SFXN5: variants seen among roughly 807,000 people sequenced by gnomAD.
The protein encoded by SFXN5 is sideroflexin 5, also known as sideroflexin-5.
A neutral mutation model predicts 50.2 loss-of-function variants in SFXN5; 43 were observed. That is an observed-to-expected ratio of 0.86 (90% CI 0.67 to 1.11). The LOEUF (loss-of-function observed/expected upper bound fraction) is 1.11. SFXN5 is among the 50% of genes least tolerant of loss of function. The pLI, the probability that SFXN5 is intolerant of heterozygous loss-of-function variation, is 0.00. For synonymous variants in SFXN5, 203 were observed against 185.8 expected, an observed-to-expected ratio of 1.09 and a Z score of -0.75; for missense variants, 463 against 454.1, an observed-to-expected ratio of 1.02 and a Z score of -0.18.
At chr2:72,968,340 G>T in intron 12 of SFXN5, 108 bp downstream of exon 12, 1 of 942,454 alleles carries the variant, frequency 1.1e-6, no homozygotes, top group Non-Finnish European at 1.6e-6. Context: ...CACAAACTGG[G>T]GTGGGCTTCC....
At chr2:73,071,416 G>A (rs1683603303) in intron 1 of SFXN5, 188 bp downstream of exon 1, 1 of 586,570 alleles carries the variant, frequency 1.7e-6, no homozygotes, top group Non-Finnish European at 3.0e-6. Context: ...AGCCAAGATG[G>A]GAGTCCGCGC....
chr2:73,007,685 C>T (rs1674889926), intron 6 of SFXN5, among the ~76,000 whole-genome samples: 1 of 152,170 alleles, frequency 6.6e-6, no homozygotes. Flanking sequence ...TCATCCCCTT[C>T]CGCCACACTG....
At chr2:73,015,388 T>C (rs1232886605) in intron 6 of SFXN5, among the ~76,000 whole-genome samples, 2 of 152,196 alleles carry the variant, frequency 1.3e-5, no homozygotes, top group African/African-American at 2.4e-5. Context: ...TCATAAGTGA[T>C]ATTGGCTTAT....
At chr2:73,012,676 AC>A (rs1483809735) in intron 6 of SFXN5, among the ~76,000 whole-genome samples, 1 of 150,160 alleles carries the variant, frequency 6.7e-6, no homozygotes, top group East Asian at 1.9e-4. Flanking sequence ...ACACACACAC[AC>A]ACACACACAC....
At chr2:72,968,662 T>A in intron 11 of SFXN5, 129 bp from the exon 12 acceptor site, 2 of 695,260 alleles carry the variant, frequency 2.9e-6, no homozygotes, top group Non-Finnish European at 4.5e-6. Flanking sequence ...ATGGGATTGC[T>A]CAGGAAGCTG....
chr2:73,024,513 G>C (rs532094758), intron 3 of SFXN5, among the ~76,000 whole-genome samples: 1 of 152,202 alleles, frequency 6.6e-6, no homozygotes, highest in African/African-American at 2.4e-5. Context: ...AATTAGCAGG[G>C]CGTGGTGGAA....
rs559962667 is a variant in SFXN5, at chr2:72,948,526, G to A, written c.946-3427C>T. Among the ~76,000 whole-genome samples, 10 of 152,292 alleles carry A rather than the reference G, an allele frequency of 6.6e-5. 1 individual carries two copies. The South Asian group carries it at 8.3e-4, about 13-fold the overall frequency. On this transcript the variant is annotated intron_variant, in intron 13 of 13. Transcript: ENST00000272433. The stretch of plus-strand genomic sequence containing the variant: ...GCCATTATTAGCAACTTCCCATGCC[G>A]GCTTTCACTGAAGCACTGAGGCCCA...
intron 3 of SFXN5, among the ~76,000 whole-genome samples, chr2:73,028,924 G>A (rs557248975): frequency 1.2e-4 from 19 of 152,326 alleles, no homozygotes; most frequent in Admixed American, 2.6e-4. Context: ...GTGTGGCCCC[G>A]GGGAAATCAC....
chr2:73,019,409 C>T (rs1237259947), intron 6 of SFXN5: 1 of 149,404 alleles, frequency 6.7e-6, no homozygotes, highest in African/African-American at 2.5e-5. Flanking sequence ...ACTGGATATG[C>T]TTGCTTTTCT....
intron 11 of SFXN5, among the ~76,000 whole-genome samples, chr2:72,969,196 G>A (rs1292139637): frequency 6.6e-6 from 1 of 152,166 alleles, no homozygotes; most frequent in African/African-American, 2.4e-5. Context: ...CCCCAGGAAG[G>A]GGCAGTGCTC....
At chr2:72,976,296 T>TAA (rs200993462) in intron 10 of SFXN5, among the ~76,000 whole-genome samples, 7 of 145,674 alleles carry the variant, frequency 4.8e-5, no homozygotes, top group Non-Finnish European at 7.6e-5. Context: ...ACCCAAAAAG[T>TAA]AAAAAAAAAA....
At chr2:73,048,894 A>G (rs1574231513) in intron 2 of SFXN5, among the ~76,000 whole-genome samples, 1 of 152,232 alleles carries the variant, frequency 6.6e-6, no homozygotes, top group African/African-American at 2.4e-5. Flanking sequence ...TGTAATTGCT[A>G]AGTAATCTGC....
intron 9 of SFXN5, among the ~76,000 whole-genome samples, chr2:72,990,165 G>A (rs1023475895): frequency 3.3e-5 from 5 of 152,272 alleles, no homozygotes; most frequent in Admixed American, 6.5e-5. Flanking sequence ...GCAGCATTCC[G>A]TGGAGCCAGA....
chr2:72,987,495 C>T (rs1031227695), intron 10 of SFXN5, among the ~76,000 whole-genome samples: 1 of 151,886 alleles, frequency 6.6e-6, no homozygotes, highest in African/African-American at 2.4e-5. Flanking sequence ...TGGTGGCTCA[C>T]GTCTGTAATC....
At chr2:72,994,763 C>G (rs150297189) in intron 9 of SFXN5, 4 of 152,652 alleles carry the variant, frequency 2.6e-5, no homozygotes, top group Non-Finnish European at 5.9e-5. Flanking sequence ...CAGGCATGGC[C>G]TCCTTCCACC....
chr2:73,071,658 AGCGGCACTAG>A lies in SFXN5; in HGVS notation c.38_47del (p.Ala13ValfsTer105). 6.2e-7 allele frequency: 1 copy of A among 1,613,196 alleles called. No individual in the cohort carries two copies. The highest frequency in any genetic ancestry group is 8.5e-7 in the Non-Finnish European group (1 of 1,179,832). On this transcript the variant is annotated frameshift_variant, in exon 1 of 14. Transcript: ENST00000272433. LOFTEE classifies it high-confidence loss of function. ...AAGGAGGTGCATCGCTCGAGGCGCT[AGCGGCACTAG>A]CCGCCGCCGCCGATGCTGTAGTCGC...
intron 9 of SFXN5, 155 bp downstream of exon 9, chr2:72,998,794 C>T (rs1574073648): frequency 4.1e-6 from 3 of 732,194 alleles, no homozygotes; most frequent in Non-Finnish European, 2.3e-6. Flanking sequence ...AGCCTCTTCT[C>T]GGCTTGGAAA....
intron 1 of SFXN5, among the ~76,000 whole-genome samples, chr2:73,061,306 T>TGAAAAAAAAAAAAAAAAAAAAAAA (rs1559221004): frequency 8.5e-6 from 1 of 118,144 alleles, no homozygotes. Flanking sequence ...AGACTCTGTC[T>TGAAAAAAAAAAAAAAAAAAAAAAA]CAAAAAAAAA....
Position 72,944,910 on chromosome 2 carries a change from C to A in SFXN5, c.*112G>T. 1.1e-6 allele frequency: 1 copy of A among 947,366 alleles called. No individual in the cohort carries two copies. The highest frequency in any genetic ancestry group is 1.6e-6 in the Non-Finnish European group (1 of 617,488). 58.7% of individuals were successfully genotyped at this position (947,366 alleles called of 1,614,324 possible). A position where few individuals can be genotyped will look rare whatever the true frequency, so the allele number is the denominator to read the frequency against. ...AGGTTGAGCACTCTCCCAGGGGGCC[C>A]AGGACTGCTGGGGTTGGCGTGCTGC... is the stretch of plus-strand genomic sequence containing the variant. On this transcript the variant is annotated 3_prime_UTR_variant, in exon 14 of 14. Transcript: ENST00000272433.
Sources: allele counts gnomAD v4.1 joint callset (sites outside exome capture counted in the v4.1 genomes callset), GRCh38; gene constraint gnomAD v4.1.1; transcripts MANE v1.5; gene names NCBI Gene and HGNC (gene_info 2026-07-23, HGNC 2026-07-21).